Variants in TOP1MT observed in about 807,000 individuals in gnomAD.
The protein encoded by TOP1MT is DNA topoisomerase I, mitochondrial.
Under a neutral mutation model 73.9 loss-of-function variants are expected in TOP1MT, and 80 were observed. That is an observed-to-expected ratio of 1.08 (90% CI 0.90 to 1.30). The LOEUF is 1.30. Ranked by LOEUF, TOP1MT falls within the 50% of genes most tolerant of loss-of-function variation. The pLI is 0.00. For synonymous variants in TOP1MT, 338 were observed against 326.4 expected (o/e 1.04, Z -0.38); for missense variants, 815 against 808.0 (o/e 1.01, Z -0.10).
intron 3 of TOP1MT, among the ~76,000 whole-genome samples, chr8:143,329,136 C>T (rs532484695): frequency 6.6e-6 from 1 of 152,266 alleles, no homozygotes; most frequent in African/African-American, 2.4e-5. Context: ...GACACACTGG[C>T]ACCGCCTATG....
intron 1 of TOP1MT, among the ~76,000 whole-genome samples, chr8:143,353,223 T>G (rs1176395657): frequency 2.6e-5 from 4 of 152,150 alleles, no homozygotes; most frequent in Non-Finnish European, 5.9e-5. Flanking sequence ...GAGACCAGCC[T>G]AGGCAAAATG....
chr8:143,354,950 C>T (rs1817383258), intron 1 of TOP1MT, among the ~76,000 whole-genome samples: 1 of 152,184 alleles, frequency 6.6e-6, no homozygotes, highest in East Asian at 1.9e-4. Context: ...AACAGTCACG[C>T]AATTTTGTGA....
At chr8:143,345,639 G>A (rs1407673798), upstream of TOP1MT, among the ~76,000 whole-genome samples, 1 of 152,242 alleles carries the variant, frequency 6.6e-6, no homozygotes, top group East Asian at 1.9e-4. Flanking sequence ...TAGTAGAAAA[G>A]TTTAGCGCCA....
chr8:143,348,968 G>A (rs913351625), upstream of TOP1MT, among the ~76,000 whole-genome samples: 3 of 152,126 alleles, frequency 2.0e-5, no homozygotes, highest in African/African-American at 7.2e-5. The surrounding 1 kb of genome is among the most constrained non-coding windows in gnomAD (Gnocchi z 4.6). Flanking sequence ...CTATGACCAG[G>A]CATTGCTTAT....
At chr8:143,339,763 A>T (rs1380238357), upstream of TOP1MT, among the ~76,000 whole-genome samples, 5 of 147,022 alleles carry the variant, frequency 3.4e-5, no homozygotes, top group East Asian at 1.0e-3. Flanking sequence ...GTGCTGGTCT[A>T]AACTGCATTC....
chr8:143,327,519 G>A (rs1816740627), intron 3 of TOP1MT: 1 of 168,800 alleles, frequency 5.9e-6, no homozygotes, highest in Non-Finnish European at 1.3e-5. Context: ...AGGAGCTCAG[G>A]TACGACACCA....
chr8:143,338,225 C>G (rs1376335165), upstream of TOP1MT, among the ~76,000 whole-genome samples: 1 of 152,120 alleles, frequency 6.6e-6, no homozygotes, highest in Non-Finnish European at 1.5e-5. Flanking sequence ...GAGCTATGAT[C>G]AGGCTACTGC....
At chr8:143,343,749 C>T (rs1455222661) in intron 1 of TOP1MT, 1 of 156,064 alleles carries the variant, frequency 6.4e-6, no homozygotes, top group African/African-American at 2.4e-5. Context: ...GGAACAGACA[C>T]TTCGCTTAAG....
chr8:143,334,951 G>A (rs962806061), upstream of TOP1MT: 12 of 1,163,844 alleles, frequency 1.0e-5, no homozygotes, highest in African/African-American at 1.6e-4. Flanking sequence ...GCCCCCGAGC[G>A]CGGCCTCCGC....
At chr8:143,356,785 C>CAAAAAAAA (rs1161995816), upstream of TOP1MT, among the ~76,000 whole-genome samples, 12 of 25,960 alleles carry the variant, frequency 4.6e-4, no homozygotes, top group African/African-American at 1.8e-3. Flanking sequence ...GACTCTGTCT[C>CAAAAAAAA]AAAAAAAAAA....
chr8:143,337,727 A>T (rs1252228249), upstream of TOP1MT, among the ~76,000 whole-genome samples: 1 of 152,204 alleles, frequency 6.6e-6, no homozygotes, highest in Non-Finnish European at 1.5e-5. Flanking sequence ...TCTTCTGCCT[A>T]ATTTCTGCCT....
chr8:143,331,173 G>T (rs149489378), intron 2 of TOP1MT, 51 bp downstream of exon 2: 1 of 1,457,502 alleles, frequency 6.9e-7, no homozygotes. Context: ...GGGAGCCCAC[G>T]CCCAGGGAAC....
intron 7 of TOP1MT, among the ~76,000 whole-genome samples, chr8:143,321,902 A>ACACACAGGCATGC (rs1816415077): frequency 3.4e-5 from 1 of 29,478 alleles, no homozygotes; most frequent in Admixed American, 5.1e-4. Context: ...CAGGCACGCC[A>ACACACAGGCATGC]CACACACAGG....
At position 143,332,412 on chromosome 8, in the gene TOP1MT, G is replaced by T. The variant is rs1816882203; in HGVS notation, c.123-1073C>A. On this transcript the variant is annotated intron_variant, in intron 1 of 13. Transcript: ENST00000329245. ...AGGGTGGGAGCACCATCAGGATGGG[G>T]GAGAGTGAGATGGGCACACCTTCTG... The T allele has an allele frequency of 5.4e-6, 6 of 1,118,656 alleles. No homozygotes were observed. The Admixed American group carries it at 1.4e-4, about 26-fold the overall frequency. The allele number at this position is 1,118,656 out of a possible 1,614,324, so 69.3% of individuals were successfully genotyped here.
chr8:143,314,200 C>T (rs1330861525), intron 12 of TOP1MT, among the ~76,000 whole-genome samples: 1 of 152,120 alleles, frequency 6.6e-6, no homozygotes, highest in Non-Finnish European at 1.5e-5. Flanking sequence ...ATTTCCTGAC[C>T]CCACAATGAC....
At chr8:143,357,968 G>T (rs1817440462), upstream of TOP1MT, among the ~76,000 whole-genome samples, 1 of 151,526 alleles carries the variant, frequency 6.6e-6, no homozygotes, top group Admixed American at 6.6e-5. Context: ...CACGCCTGTG[G>T]TCCCAGCTAC....
At chr8:143,356,220 CT>C (rs34869758), upstream of TOP1MT, among the ~76,000 whole-genome samples, 17,211 of 152,272 alleles carry the variant, frequency 0.11, 3,301 homozygotes, top group African/African-American at 0.39. Flanking sequence ...CCCACGGCTG[CT>C]TGCCATTACA....
At chr8:143,342,708 TCGC>T (rs1388150224) in intron 2 of TOP1MT, among the ~76,000 whole-genome samples, 6,959 of 86,552 alleles carry the variant, frequency 0.08, 1,221 homozygotes, top group Non-Finnish European at 0.12. Context: ...AGACAGAGTC[TCGC>T]TGTTATTATT....
chr8:143,324,529 T>A lies in TOP1MT; in HGVS notation c.772A>T (p.Asn258Tyr). 1 of 1,613,924 alleles carries A rather than the reference T, an allele frequency of 6.2e-7. No individual in the cohort carries two copies. The highest frequency in any genetic ancestry group is 8.5e-7 in the Non-Finnish European group (1 of 1,180,032). The change falls in exon 6 of 14, where the codon AAC becomes TAC. Residue 258 changes from asparagine to tyrosine, a missense_variant. This residue lies in a region of TOP1MT where 751 missense variants were observed against 725.4 expected (regional missense o/e 1.04). Coordinates refer to ENST00000329245, the MANE Select transcript of TOP1MT (RefSeq NM_052963.3). ...WLAAWTESVQ[N>Y]SIKYIMLNPC... ...TTCAGCATGATGTACTTGATGGAGT[T>A]CTGAACGCTCTCGGTCCAAGCTGCC...
Sources: gnomAD v4.1 joint callset for allele counts (sites outside exome capture counted in the v4.1 genomes callset) on GRCh38, gnomAD v4.1.1 for gene constraint, gnomAD v4.1.1 regional missense constraint, Gnocchi (gnomAD v3.1) non-coding constraint, MANE v1.5 for transcripts, NCBI Gene and HGNC (gene_info 2026-07-23, HGNC 2026-07-21) for gene names.